Variants in AGFG2 observed in about 807,000 individuals in gnomAD.
The protein encoded by AGFG2 is arf-GAP domain and FG repeat-containing protein 2.
In AGFG2, 31 loss-of-function variants were observed where a neutral mutation model predicts 48.0. That is an observed-to-expected ratio of 0.65 (90% CI 0.49 to 0.87). The LOEUF is 0.87. Among genes scored for constraint, AGFG2 ranks in the 40% least tolerant of loss-of-function variants. The pLI, the probability that AGFG2 is intolerant of heterozygous loss-of-function variation, is 0.00. For missense variants in AGFG2, 599 were observed against 632.6 expected, an observed-to-expected ratio of 0.95 and a Z score of 0.57; for synonymous variants, 229 against 260.8, an observed-to-expected ratio of 0.88 and a Z score of 1.18.
intron 2 of AGFG2, 74 bp from the exon 3 acceptor site, chr7:100,550,322 A>T: frequency 1.0e-6 from 1 of 988,280 alleles, no homozygotes; most frequent in Non-Finnish European, 1.5e-6. Flanking sequence ...AAAAAAAAAA[A>T]AAAAAAAAGG....
At position 100,566,134 on chromosome 7, in the gene AGFG2, C is replaced by G. The variant is rs1380194820; in HGVS notation, c.*1143C>G. ...GCCATTGGCCAGAGACAGGGCAGAGCCCGTCCCTGTCTGAACAAGAGTCCC... is the reference window on the plus strand; with the variant it reads ...GCCATTGGCCAGAGACAGGGCAGAGGCCGTCCCTGTCTGAACAAGAGTCCC... On this transcript the variant is annotated 3_prime_UTR_variant, in exon 12 of 12. Transcript: ENST00000300176. 6.6e-6 allele frequency: 1 copy of G among 152,306 alleles called. No homozygotes were observed. Among genetic ancestry groups the G allele is most frequent in the Non-Finnish European group, 1.5e-5 (1 of 68,064 alleles). The allele number at this position is 152,306 out of a possible 1,614,324, so 9.4% of individuals were successfully genotyped here.
Position 100,566,897 on chromosome 7 carries a change from T to C in AGFG2, c.*1906T>C, listed in dbSNP as rs994906290. The C allele has an allele frequency of 2.0e-5, 3 of 152,260 alleles. No homozygotes were observed. Among genetic ancestry groups the C allele is most frequent in the Non-Finnish European group, 2.9e-5 (2 of 68,064 alleles). The allele number at this position is 152,260 out of a possible 1,614,324, so 9.4% of individuals were successfully genotyped here. On this transcript the variant is annotated 3_prime_UTR_variant, in exon 12 of 12. Coordinates refer to ENST00000300176, the MANE Select transcript of AGFG2 (RefSeq NM_006076.5). ...GAGGGAGGGAAGCTGGAATCTGTTA[T>C]GGTGTATTAGGGGGAGGAGCCTTTC...
At position 100,547,048 on chromosome 7, in the gene AGFG2, G is replaced by A. The variant is rs145050281; in HGVS notation, c.222-1774G>A. Among the ~76,000 whole-genome samples, 64 of 152,184 alleles carry A rather than the reference G, an allele frequency of 4.2e-4. No homozygotes were observed. The East Asian group carries it at 0.012, about 27-fold the overall frequency. ...TAGCAGCAGAATTGCTGCAAACAGC[G>A]TCAACTGGAGCCTCCAGTGTCCTGT... On this transcript the variant is annotated intron_variant, in intron 1 of 11. Transcript: ENST00000300176.
intron 6 of AGFG2, among the ~76,000 whole-genome samples, chr7:100,561,419 G>A (rs939719791): frequency 3.9e-5 from 6 of 152,162 alleles, no homozygotes; most frequent in Non-Finnish European, 7.3e-5. Context: ...GAACTGCCGC[G>A]TCCTGTCAAT....
rs781471444 is a variant in AGFG2, at chr7:100,564,184, T to C, written c.1301-34T>C. 5.6e-5 allele frequency: 90 copies of C among 1,595,170 alleles called. No homozygotes were observed. The South Asian group carries it at 9.2e-4, about 16-fold the overall frequency. On this transcript the variant is annotated intron_variant, in intron 10 of 11. Coordinates refer to ENST00000300176, the MANE Select transcript of AGFG2 (RefSeq NM_006076.5). ...GCTGTCCGCCTGCAGGAAGGCAGGC[T>C]GGTGTCAGCTGAGTGACTGCTCTCG...
Position 100,565,072 on chromosome 7 carries a change from G to A in AGFG2, c.*81G>A. On this transcript the variant is annotated 3_prime_UTR_variant, in exon 12 of 12. Coordinates refer to ENST00000300176, the MANE Select transcript of AGFG2 (RefSeq NM_006076.5). The stretch of plus-strand genomic sequence containing the variant: ...AGCTCTGGTGACCACTTGCCTGTGG[G>A]CATTTCTATGGGCCTTGGGGATGGT... 6.9e-7 allele frequency: 1 copy of A among 1,457,190 alleles called. No homozygotes were observed. The highest frequency in any genetic ancestry group is 1.1e-5 in the South Asian group (1 of 87,888). 90.3% of individuals were successfully genotyped at this position (1,457,190 alleles called of 1,614,324 possible).
chr7:100,539,869 A>G (rs1477505440), intron 1 of AGFG2, among the ~76,000 whole-genome samples: 1 of 151,662 alleles, frequency 6.6e-6, no homozygotes, highest in African/African-American at 2.4e-5. Flanking sequence ...GCAAGTGGGG[A>G]GGGAGAAAGT....
chr7:100,552,276 A>G (rs551352812), intron 3 of AGFG2, among the ~76,000 whole-genome samples: 24 of 152,302 alleles, frequency 1.6e-4, no homozygotes, highest in Non-Finnish European at 1.9e-4. Flanking sequence ...ATAAAAAGCA[A>G]TACAATATAG....
At chr7:100,545,106 A>G (rs1436226382) in intron 1 of AGFG2, among the ~76,000 whole-genome samples, 1 of 152,174 alleles carries the variant, frequency 6.6e-6, no homozygotes, top group Non-Finnish European at 1.5e-5. Flanking sequence ...ATCCCAGAGC[A>G]AAGAAACACG....
At chr7:100,561,912 G>C (rs1009508345) in intron 6 of AGFG2, among the ~76,000 whole-genome samples, 3 of 152,192 alleles carry the variant, frequency 2.0e-5, no homozygotes, top group Non-Finnish European at 4.4e-5. Flanking sequence ...TTGAGGAAAG[G>C]ACAGGCTTTT....
chr7:100,542,053 T>C (rs2131099851), intron 1 of AGFG2, among the ~76,000 whole-genome samples: 1 of 152,262 alleles, frequency 6.6e-6, no homozygotes, highest in South Asian at 2.1e-4. Flanking sequence ...TCTCACTCTG[T>C]TGCTTAGGCT....
At chr7:100,550,568 C>A in intron 3 of AGFG2, 57 bp downstream of exon 3, 2 of 1,367,962 alleles carry the variant, frequency 1.5e-6, no homozygotes, top group Non-Finnish European at 2.1e-6. Context: ...CTTCATCTGA[C>A]AGTCCAGTTT....
At chr7:100,549,653 AC>A (rs1800584366) in intron 2 of AGFG2, among the ~76,000 whole-genome samples, 1 of 152,174 alleles carries the variant, frequency 6.6e-6, no homozygotes, top group Non-Finnish European at 1.5e-5. Context: ...AGATCCTAGC[AC>A]TGTGTCCATG....
chr7:100,556,474 A>T lies in AGFG2; in HGVS notation c.877+739A>T. ...TTCTGCCATTGGACATCCTGGACAC[A>T]TGGGAGGGCAGCTGCAGTGCTCGCC... On this transcript the variant is annotated intron_variant, in intron 6 of 11. Coordinates refer to ENST00000300176, the MANE Select transcript of AGFG2 (RefSeq NM_006076.5). 4 of 808,164 alleles carry T rather than the reference A, an allele frequency of 4.9e-6. No individual in the cohort carries two copies. In the South Asian group the frequency reaches 6.8e-5, roughly 14 times the overall value. The allele number at this position is 808,164 out of a possible 1,614,324, so 50.1% of individuals were successfully genotyped here.
At position 100,553,351 on chromosome 7, in the gene AGFG2, G is replaced by C. The variant is rs1246100889; in HGVS notation, c.436G>C (p.Val146Leu). ...QEKYEKKRWY[V>L]PPDQVKGPTY... ...CCTAACTATTCTTTCTCAAAGGTAT[G>C]TCCCCCCAGACCAAGTCAAGGGGCC... Residue 146 changes from valine to leucine, a missense_variant, in exon 4 of 12, where the codon GTC becomes CTC. By Grantham distance (32) the Val-to-Leu change is conservative (BLOSUM62 1). Coordinates refer to ENST00000300176, the MANE Select transcript of AGFG2 (RefSeq NM_006076.5). 1 of 1,614,092 alleles carries C rather than the reference G, an allele frequency of 6.2e-7. No individual in the cohort carries two copies. Among genetic ancestry groups the C allele is most frequent in the Admixed American group, 1.7e-5 (1 of 59,998 alleles).
At chr7:100,548,743 C>T in intron 1 of AGFG2, 79 bp from the exon 2 acceptor site, 1 of 849,430 alleles carries the variant, frequency 1.2e-6, no homozygotes, top group South Asian at 1.7e-5. Flanking sequence ...ACCCTTTCTC[C>T]CTCCTCCTCC....
chr7:100,548,626 T>C (rs1266221309), intron 1 of AGFG2, among the ~76,000 whole-genome samples, 196 bp from the exon 2 acceptor site: 1 of 152,146 alleles, frequency 6.6e-6, no homozygotes, highest in African/African-American at 2.4e-5. Context: ...CTTTGGAGAC[T>C]TCTAATATCT....
chr7:100,562,426 C>T lies in AGFG2; in HGVS notation c.998+47C>T, dbSNP rs548596427. 26 of 1,606,976 alleles carry T rather than the reference C, an allele frequency of 1.6e-5. No homozygotes were observed. Among genetic ancestry groups the T allele is most frequent in the East Asian group, 2.2e-5 (1 of 44,702 alleles). On this transcript the variant is annotated intron_variant, in intron 7 of 11. Coordinates refer to ENST00000300176, the MANE Select transcript of AGFG2 (RefSeq NM_006076.5). This position sits in a 1 kb window ranked among gnomAD's most constrained non-coding sequence, Gnocchi z 5.4. ...TCTGCTGTAGGGCAGGAGAGCCGCC[C>T]GAAGCCTGGCCATGTTCCTCCCAGC...
chr7:100,550,167 C>T (rs948914264), intron 2 of AGFG2, among the ~76,000 whole-genome samples: 1 of 152,032 alleles, frequency 6.6e-6, no homozygotes, highest in African/African-American at 2.4e-5. Flanking sequence ...ATTAGCTGGG[C>T]GTGGTGGCGC....
Sources: allele counts gnomAD v4.1 joint callset (sites outside exome capture counted in the v4.1 genomes callset), GRCh38; gene constraint gnomAD v4.1.1; non-coding constraint Gnocchi (gnomAD v3.1); transcripts MANE v1.5; gene names NCBI Gene and HGNC (gene_info 2026-07-23, HGNC 2026-07-21).